SLC24A1: variants seen among roughly 807,000 people sequenced by gnomAD.
SLC24A1 encodes the protein sodium/potassium/calcium exchanger 1.
Under a neutral mutation model 88.1 loss-of-function variants are expected in SLC24A1, and 52 were observed. The observed-to-expected ratio is 0.59, with a 90% CI of 0.47 to 0.74. The LOEUF (loss-of-function observed/expected upper bound fraction) is 0.74. SLC24A1 is among the 30% of genes least tolerant of loss of function. SLC24A1 has a pLI of 0.00. For missense variants in SLC24A1, 1,173 were observed against 1,363.3 expected (o/e 0.86, Z 2.20); for synonymous variants, 455 against 498.0 (o/e 0.91, Z 1.15).
At chr15:65,639,810 G>A in intron 4 of SLC24A1, 107 bp downstream of exon 4, 1 of 761,702 alleles carries the variant, frequency 1.3e-6, no homozygotes, top group Non-Finnish European at 2.3e-6. Context: ...TGAGGAGGGA[G>A]TGGGAAGAGA....
chr15:65,641,568 T>C (rs971454277), intron 4 of SLC24A1, among the ~76,000 whole-genome samples: 1 of 151,998 alleles, frequency 6.6e-6, no homozygotes, highest in Non-Finnish European at 1.5e-5. Context: ...TTCCTCAAGG[T>C]AAACCTCAGC....
chr15:65,643,083 T>C (rs745349959), intron 4 of SLC24A1: 24 of 1,216,736 alleles, frequency 2.0e-5, no homozygotes, highest in South Asian at 2.5e-5. Flanking sequence ...CTAAAAGTTA[T>C]AGAGTGCTTT....
intron 2 of SLC24A1, among the ~76,000 whole-genome samples, chr15:65,630,285 G>A (rs1408329080): frequency 2.6e-5 from 4 of 152,102 alleles, no homozygotes; most frequent in African/African-American, 4.8e-5. Context: ...CCACCACCAC[G>A]CCTGGTCCCT....
intron 6 of SLC24A1, among the ~76,000 whole-genome samples, chr15:65,648,889 C>T (rs2075401473): frequency 6.6e-6 from 1 of 152,074 alleles, no homozygotes; most frequent in Non-Finnish European, 1.5e-5. Context: ...CCTACTGCCT[C>T]AGCTGCCTGA....
chr15:65,624,217 G>A lies in SLC24A1; in HGVS notation c.137G>A (p.Gly46Asp), dbSNP rs2074418095. 2.5e-6 allele frequency: 4 copies of A among 1,613,854 alleles called. No homozygotes were observed. The East Asian group carries it at 6.7e-5, about 27-fold the overall frequency. ...TATCAGCACCTTAGGAGACCCCGGGGCCTTTCCTCATTGTGGGCAGCAGTC... is the reference window on the plus strand; with the variant it reads ...TATCAGCACCTTAGGAGACCCCGGGACCTTTCCTCATTGTGGGCAGCAGTC... Reference protein sequence around the residue: ...STYQHLRRPRGLSSLWAAVSS... With the variant: ...STYQHLRRPRDLSSLWAAVSS... The change falls in exon 2 of 10, where the codon GGC becomes GAC. Residue 46 changes from glycine to aspartate, a missense_variant. Gly to Asp is a moderately conservative substitution (Grantham distance 94). Coordinates refer to ENST00000261892, the MANE Select transcript of SLC24A1 (RefSeq NM_004727.3).
chr15:65,647,362 C>T (rs2075335763), intron 6 of SLC24A1, among the ~76,000 whole-genome samples: 2 of 151,584 alleles, frequency 1.3e-5, no homozygotes, highest in East Asian at 1.9e-4. Context: ...CCTGTAATCC[C>T]AGCTACTTGG....
chr15:65,650,773 A>G lies in SLC24A1; in HGVS notation c.2624A>G (p.Glu875Gly), dbSNP rs960563814. ...EEEEQEEEEE[E>G]EEQEEEEEEE... ...GAAGAGCAGGAGGAAGAGGAGGAGG[A>G]GGAAGAGCAGGAGGAAGAGGAGGAG... The change falls in exon 7 of 10, where the codon GAG (glutamate) becomes GGG (glycine). Residue 875 changes from glutamate (E) to glycine (G), a missense_variant. Coordinates refer to ENST00000261892, the MANE Select transcript of SLC24A1 (RefSeq NM_004727.3). This position sits in a 1 kb window ranked among gnomAD's most constrained non-coding sequence, Gnocchi z 4.1. 6.8e-6 allele frequency: 11 copies of G among 1,611,162 alleles called. No homozygotes were observed. In the African/African-American group the frequency reaches 1.5e-4, roughly 22 times the overall value.
chr15:65,660,815 T>C (rs1424931022), downstream of SLC24A1: 1 of 152,666 alleles, frequency 6.6e-6, no homozygotes, highest in Non-Finnish European at 1.5e-5. Flanking sequence ...TTCTGAATAT[T>C]TATATATAGT....
intron 1 of SLC24A1, among the ~76,000 whole-genome samples, chr15:65,622,912 T>C (rs1004420256): frequency 6.6e-6 from 1 of 151,988 alleles, no homozygotes; most frequent in African/African-American, 2.4e-5. Flanking sequence ...TGGCTAACTT[T>C]TGTATTTTTA....
intron 2 of SLC24A1, among the ~76,000 whole-genome samples, chr15:65,626,916 CCTG>C (rs1305607890): frequency 6.6e-6 from 1 of 152,174 alleles, no homozygotes; most frequent in Admixed American, 6.5e-5. Flanking sequence ...CCACTTCTCT[CCTG>C]CTCCTAAAGG....
intron 2 of SLC24A1, among the ~76,000 whole-genome samples, chr15:65,635,781 A>G (rs1302343650): frequency 6.6e-6 from 1 of 152,228 alleles, no homozygotes; most frequent in Non-Finnish European, 1.5e-5. Context: ...TGCCCATCAC[A>G]GCATAGCACC....
At chr15:65,627,648 C>T (rs2074564795) in intron 2 of SLC24A1, among the ~76,000 whole-genome samples, 2 of 152,204 alleles carry the variant, frequency 1.3e-5, no homozygotes, top group Non-Finnish European at 2.9e-5. Context: ...GCTAAGTTCT[C>T]AGGGGTGGCC....
intron 2 of SLC24A1, among the ~76,000 whole-genome samples, chr15:65,634,740 CAAA>C (rs5813364): frequency 1.7e-4 from 15 of 90,508 alleles, no homozygotes; most frequent in Non-Finnish European, 2.2e-4. Context: ...TCAAAAGCAC[CAAA>C]AAAAAAAAAA....
intron 6 of SLC24A1, among the ~76,000 whole-genome samples, chr15:65,647,813 A>T (rs2075355888): frequency 1.3e-5 from 2 of 152,326 alleles, no homozygotes; most frequent in African/African-American, 4.8e-5. Context: ...TTCAAACTGC[A>T]GGCCTCATCA....
intron 1 of SLC24A1, among the ~76,000 whole-genome samples, chr15:65,623,384 C>G (rs1056923402): frequency 3.9e-5 from 6 of 152,166 alleles, no homozygotes; most frequent in Non-Finnish European, 8.8e-5. Context: ...GATCCTCCCA[C>G]CATGCCATAT....
downstream of SLC24A1, among the ~76,000 whole-genome samples, chr15:65,658,597 T>C (rs149043897): frequency 3.0e-3 from 452 of 152,318 alleles, 4 homozygotes; most frequent in African/African-American, 0.01. Flanking sequence ...ATTTGGAATA[T>C]TTGAAAAATA....
rs933292485 is a variant in SLC24A1 at position 65,650,674 on chromosome 15, A to G, written c.2525A>G (p.Lys842Arg). 1.6e-5 allele frequency: 25 copies of G among 1,547,330 alleles called. No homozygotes were observed. Among genetic ancestry groups the G allele is most frequent in the South Asian group, 3.6e-5 (3 of 83,570 alleles). ...AGTGCTGAAAATCACGGTGAAGCCA[A>G]AAATGATGAGAAAGGTGTAGAAGAT... is the stretch of plus-strand genomic sequence containing the variant. ...ELSAENHGEA[K>R]NDEKGVEDGG... is the part of the protein sequence containing the mutation. The change falls in exon 7 of 10, where the codon AAA becomes AGA. Residue 842 changes from lysine (K) to arginine (R), a missense_variant. By Grantham distance (26) the Lys-to-Arg change is conservative. Transcript: ENST00000261892. The surrounding 1 kb of genome is among the most constrained non-coding windows in gnomAD (Gnocchi z 4.1).
chr15:65,628,634 A>G (rs1319060588), intron 2 of SLC24A1, among the ~76,000 whole-genome samples: 2 of 152,248 alleles, frequency 1.3e-5, no homozygotes, highest in East Asian at 3.8e-4. Flanking sequence ...ATAATTACTC[A>G]GCCAAAGTTA....
rs1376281414 is a variant in SLC24A1 at position 65,645,655 on chromosome 15, C to T, written c.2184C>T (p.Ala728=). 1 of 1,580,920 alleles carries T rather than the reference C, an allele frequency of 6.3e-7. No individual in the cohort carries two copies. The highest frequency in any genetic ancestry group is 1.2e-5 in the South Asian group (1 of 85,804). Residue 728 remains alanine (A), a synonymous_variant, in exon 6 of 10, where the codon GCC becomes GCT. Coordinates refer to ENST00000261892, the MANE Select transcript of SLC24A1 (RefSeq NM_004727.3). ...TCCCTGCGGTCACGGTCACACCAGC[C>T]CCTGTTCCAGACATCAAGGGAGATC... ...AKLPAVTVTP[A]PVPDIKGDQK...
Sources: gnomAD v4.1 joint callset for allele counts (sites outside exome capture counted in the v4.1 genomes callset) on GRCh38, gnomAD v4.1.1 for gene constraint, Gnocchi (gnomAD v3.1) non-coding constraint, MANE v1.5 for transcripts, NCBI Gene and HGNC (gene_info 2026-07-23, HGNC 2026-07-21) for gene names.